Variants in VWA5B1 observed in about 807,000 individuals in gnomAD.
The protein encoded by VWA5B1 is von Willebrand factor A domain-containing protein 5B1.
In VWA5B1, 115 loss-of-function variants were observed where a neutral mutation model predicts 118.2. The observed-to-expected ratio is 0.97, with a 90% CI of 0.84 to 1.14. The LOEUF (loss-of-function observed/expected upper bound fraction) is 1.14, where lower values mean the gene tolerates loss of function less well. Among genes scored for constraint, VWA5B1 ranks in the 50% most tolerant of loss-of-function variants. The pLI, the probability that VWA5B1 is intolerant of heterozygous loss-of-function variation, is 0.00. For synonymous variants in VWA5B1, 682 were observed against 658.4 expected, an observed-to-expected ratio of 1.04 and a Z score of -0.55; for missense variants, 1,596 against 1,603.8, an observed-to-expected ratio of 1.00 and a Z score of 0.08.
chr1:20,357,907 C>T lies in VWA5B1; in HGVS notation c.*3644C>T, dbSNP rs1265212182. 6.6e-6 allele frequency among the ~76,000 whole-genome samples: 1 copy of T among 152,114 alleles called. No individual in the cohort carries two copies. Among genetic ancestry groups the T allele is most frequent in the Non-Finnish European group, 1.5e-5 (1 of 68,006 alleles). On this transcript the variant is annotated 3_prime_UTR_variant, in exon 22 of 22. Transcript: ENST00000289815. ...GCCAGAGGGGAGTTGGTGCTGGGGG[C>T]CTCCTTGTCCAGGTGGAGCAGGAAT... is the stretch of plus-strand genomic sequence containing the variant.
intron 9 of VWA5B1, 23 bp from the exon 10 acceptor site, chr1:20,330,157 G>C: frequency 6.4e-7 from 1 of 1,551,520 alleles, no homozygotes. Context: ...CGGTGACACT[G>C]GGGACTGTCT....
intron 1 of VWA5B1, among the ~76,000 whole-genome samples, chr1:20,291,866 T>C (rs2088313193): frequency 6.6e-6 from 1 of 152,194 alleles, no homozygotes; most frequent in East Asian, 1.9e-4. Flanking sequence ...TGCTAACGCA[T>C]CAAGCCTCCG....
At chr1:20,338,875 G>GGGC (rs1204397345) in intron 14 of VWA5B1, 1 of 151,820 alleles carries the variant, frequency 6.6e-6, no homozygotes, top group African/African-American at 2.4e-5. Flanking sequence ...CATATTGCCC[G>GGGC]GGCTGGTCTT....
chr1:20,345,201 G>C (rs995908194), intron 16 of VWA5B1, among the ~76,000 whole-genome samples: 4 of 152,226 alleles, frequency 2.6e-5, no homozygotes, highest in African/African-American at 9.6e-5. Context: ...GGAAGTAGCT[G>C]TCTTTTATTC....
At chr1:20,350,730 A>T (rs925203444) in intron 19 of VWA5B1, 127 bp from the exon 20 acceptor site, 1 of 843,704 alleles carries the variant, frequency 1.2e-6, no homozygotes, top group South Asian at 1.5e-5. Flanking sequence ...CCTAATGGTT[A>T]GCTCGAGTCC....
In VWA5B1 at chr1:20,337,763, T is replaced by C. The variant is rs976015530; in HGVS notation, c.2060T>C (p.Leu687Pro). 5.2e-6 allele frequency: 8 copies of C among 1,551,728 alleles called. No homozygotes were observed. The highest frequency in any genetic ancestry group is 2.0e-5 in the Admixed American group (1 of 51,002). Residue 687 changes from leucine to proline, a missense_variant, in exon 14 of 22, where the codon CTG (leucine) becomes CCG (proline). By Grantham distance (98) the Leu-to-Pro change is moderately conservative (BLOSUM62 -3). Transcript: ENST00000289815. ...DPMPAAKRYPLRKARLQDLTN... is the reference protein window; with the variant it reads ...DPMPAAKRYPPRKARLQDLTN... The stretch of plus-strand genomic sequence containing the variant: ...ATGCCAGCTGCCAAGAGATACCCAC[T>C]GCGGAAAGCCAGGCTGCAGGACCTC...
chr1:20,303,439 CA>C (rs767305089), intron 1 of VWA5B1: 3 of 152,344 alleles, frequency 2.0e-5, no homozygotes, highest in Non-Finnish European at 4.4e-5. Flanking sequence ...GGGTAGATTT[CA>C]GCAGTAAGAT....
chr1:20,297,995 G>GTTTTTT (rs1392154406), intron 1 of VWA5B1, among the ~76,000 whole-genome samples: 1 of 85,414 alleles, frequency 1.2e-5, no homozygotes, highest in Admixed American at 1.2e-4. Flanking sequence ...CTCGGTGGTG[G>GTTTTTT]ATTTTTTTTT....
At position 20,352,097 on chromosome 1, in the gene VWA5B1, G is replaced by A; in HGVS notation, c.3066G>A (p.Lys1022=). ...CCAGGCTACTGACGCGAGCAGCCAA[G>A]GGCTTCCTGAGCAAGCCACTGATCA... is the stretch of plus-strand genomic sequence containing the variant. ...NKSRLLTRAA[K]GFLSKPLIKA... is the part of the protein sequence containing the mutation. The change falls in exon 21 of 22, where the codon AAG becomes AAA. Residue 1022 remains lysine (K), a synonymous_variant. Coordinates refer to ENST00000289815, the MANE Select transcript of VWA5B1 (RefSeq NM_001039500.3). The A allele has an allele frequency of 1.3e-6, 2 of 1,551,342 alleles. No individual in the cohort carries two copies. Among genetic ancestry groups the A allele is most frequent in the Non-Finnish European group, 8.7e-7 (1 of 1,146,964 alleles).
chr1:20,354,150 GGCC>G lies in VWA5B1; in HGVS notation c.3538_3540del (p.Arg1180del), dbSNP rs1247510556. 1.2e-5 allele frequency: 19 copies of G among 1,551,228 alleles called. No homozygotes were observed. The highest frequency in any genetic ancestry group is 6.1e-6 in the Non-Finnish European group (7 of 1,147,010). On this transcript the variant is annotated inframe_deletion, in exon 22 of 22. Coordinates refer to ENST00000289815, the MANE Select transcript of VWA5B1 (RefSeq NM_001039500.3). ...GCTGGAGCAGCAGGAAGTACCCGAGGGCCGCACGCAGGGCACACTCAAGGCCGC... is the reference window on the plus strand; with the variant it reads ...GCTGGAGCAGCAGGAAGTACCCGAGGGCACGCAGGGCACACTCAAGGCCGC...
chr1:20,307,549 A>G, intron 1 of VWA5B1, among the ~76,000 whole-genome samples: 1 of 152,346 alleles, frequency 6.6e-6, no homozygotes, highest in Non-Finnish European at 1.5e-5. Context: ...ATGAGATAAT[A>G]TATGTGCCTG....
rs981680572 is a variant in VWA5B1 at position 20,356,650 on chromosome 1, A to G, written c.*2387A>G. 2.0e-5 allele frequency among the ~76,000 whole-genome samples: 3 copies of G among 152,176 alleles called. No individual in the cohort carries two copies. Among genetic ancestry groups the G allele is most frequent in the Non-Finnish European group, 2.9e-5 (2 of 68,034 alleles). ...GGGCATGCCACCCACTTCTCTAGGA[A>G]AGTTCCTCAGACTGCTCCCGCACCG... is the stretch of plus-strand genomic sequence containing the variant. On this transcript the variant is annotated 3_prime_UTR_variant, in exon 22 of 22. Transcript: ENST00000289815.
Position 20,352,149 on chromosome 1 carries a change from C to T in VWA5B1, c.3118C>T (p.Gln1040Ter). Residue 1040 changes from glutamine (Q) to a stop codon, truncating the protein, a stop_gained, in exon 21 of 22, where the codon CAG becomes TAG. Transcript: ENST00000289815. LOFTEE classifies it low-confidence loss of function (END_TRUNC). ...IKAVESTSGN[Q>*]SFDYIPLVSL... ...AGCTGTGGAGTCGACCTCCGGGAACCAGAGCTTCGACTACATACCTCTGGT... is the reference window on the plus strand; with the variant it reads ...AGCTGTGGAGTCGACCTCCGGGAACTAGAGCTTCGACTACATACCTCTGGT... 1 of 1,551,370 alleles carries T rather than the reference C, an allele frequency of 6.4e-7. No individual in the cohort carries two copies. Among genetic ancestry groups the T allele is most frequent in the Non-Finnish European group, 8.7e-7 (1 of 1,146,920 alleles).
At chr1:20,319,281 G>C in intron 6 of VWA5B1, 101 bp from the exon 7 acceptor site, 1 of 1,478,932 alleles carries the variant, frequency 6.8e-7, no homozygotes, top group Non-Finnish European at 9.1e-7. Context: ...TTCCAAATGG[G>C]AGTCCCACCC....
intron 1 of VWA5B1, among the ~76,000 whole-genome samples, chr1:20,306,282 G>A (rs1033090849): frequency 2.6e-5 from 4 of 152,052 alleles, no homozygotes; most frequent in African/African-American, 9.7e-5. Context: ...TCTAGAGGCT[G>A]GAGTGAATCA....
chr1:20,336,919 A>G (rs1031371197), intron 13 of VWA5B1, among the ~76,000 whole-genome samples: 2 of 152,134 alleles, frequency 1.3e-5, no homozygotes, highest in Admixed American at 1.3e-4. Flanking sequence ...AAAATTTAAC[A>G]AACTATGGGA....
chr1:20,322,452 G>A (rs2089249231), intron 7 of VWA5B1, among the ~76,000 whole-genome samples: 1 of 152,194 alleles, frequency 6.6e-6, no homozygotes, highest in Admixed American at 6.5e-5. Context: ...GGGCCAGCTA[G>A]GAGGCCACAT....
intron 1 of VWA5B1, among the ~76,000 whole-genome samples, chr1:20,291,527 T>C (rs963007832): frequency 2.0e-5 from 3 of 151,912 alleles, no homozygotes; most frequent in African/African-American, 4.8e-5. Flanking sequence ...CTCTCTCTTC[T>C]CTCTGCCTCC....
intron 1 of VWA5B1, among the ~76,000 whole-genome samples, chr1:20,308,973 A>G (rs2100830987): frequency 6.6e-6 from 1 of 152,276 alleles, no homozygotes; most frequent in South Asian, 2.1e-4. Flanking sequence ...ACCAGAGGGA[A>G]TCTGACCTCA....
Sources: gnomAD v4.1 joint callset for allele counts (sites outside exome capture counted in the v4.1 genomes callset) on GRCh38, gnomAD v4.1.1 for gene constraint, MANE v1.5 for transcripts, NCBI Gene and HGNC (gene_info 2026-07-23, HGNC 2026-07-21) for gene names.